Variants in SMARCA2 observed in about 807,000 individuals in gnomAD.
SMARCA2 encodes the protein SWI/SNF-related matrix-associated actin-dependent regulator of chromatin subfamily A member 2.
SMARCA2 carries 61 observed loss-of-function variants against 199.8 expected under a neutral mutation model. That is an observed-to-expected ratio of 0.31 (90% CI 0.25 to 0.38). The LOEUF (loss-of-function observed/expected upper bound fraction) is 0.38. Among genes scored for constraint, SMARCA2 ranks in the 10% least tolerant of loss-of-function variants. The pLI, the probability that SMARCA2 is intolerant of heterozygous loss-of-function variation, is 1.00. For synonymous variants in SMARCA2, 935 were observed against 732.0 expected, an observed-to-expected ratio of 1.28 and a Z score of -4.48; for missense variants, 1,344 against 2,012.2, an observed-to-expected ratio of 0.67 and a Z score of 6.35.
chr9:2,042,284 A>C (rs1819640109), intron 4 of SMARCA2: 1 of 152,194 alleles, frequency 6.6e-6, no homozygotes, highest in African/African-American at 2.4e-5. Context: ...AGGCTGATGG[A>C]GAGGAGGGAT....
At chr9:2,144,510 T>C (rs552082609) in intron 27 of SMARCA2, among the ~76,000 whole-genome samples, 1 of 152,234 alleles carries the variant, frequency 6.6e-6, no homozygotes, top group Non-Finnish European at 1.5e-5. Context: ...TTTGAAGCCA[T>C]AGAGGCAAGT....
At chr9:2,100,895 T>C (rs192120775) in intron 21 of SMARCA2, among the ~76,000 whole-genome samples, 1 of 152,166 alleles carries the variant, frequency 6.6e-6, no homozygotes, top group African/African-American at 2.4e-5. Flanking sequence ...TTCCACATGG[T>C]TGGGGAGGCC....
chr9:2,111,485 G>A (rs1269333436), intron 24 of SMARCA2, among the ~76,000 whole-genome samples: 32 of 129,890 alleles, frequency 2.5e-4, no homozygotes, highest in African/African-American at 9.7e-4. Context: ...AAGCAAGACC[G>A]TGTCTCAAAA....
intron 27 of SMARCA2, among the ~76,000 whole-genome samples, chr9:2,143,317 G>T (rs969779909): frequency 6.6e-6 from 1 of 152,140 alleles, no homozygotes; most frequent in African/African-American, 2.4e-5. Context: ...GAAAAATGAG[G>T]CTAGGGCCAG....
chr9:2,019,766 A>G (rs1303608478), intron 1 of SMARCA2, among the ~76,000 whole-genome samples: 1 of 151,982 alleles, frequency 6.6e-6, no homozygotes, highest in Non-Finnish European at 1.5e-5. Context: ...GAGCATAAAA[A>G]GAAGAGTTTT....
chr9:2,037,498 G>A (rs142351962), intron 3 of SMARCA2, among the ~76,000 whole-genome samples: 2,509 of 152,282 alleles, frequency 0.016, 25 homozygotes, highest in Non-Finnish European at 0.026. Flanking sequence ...AGGGGATCAC[G>A]CTAAATCTGC....
intron 27 of SMARCA2, among the ~76,000 whole-genome samples, chr9:2,156,605 A>T (rs1305162641): frequency 6.6e-6 from 1 of 151,612 alleles, no homozygotes; most frequent in South Asian, 2.1e-4. Context: ...CTAATTTTGT[A>T]TTTTTAGTAG....
intron 11 of SMARCA2, 52 bp downstream of exon 11, chr9:2,073,394 G>C (rs1341814974): frequency 6.2e-7 from 1 of 1,607,852 alleles, no homozygotes; most frequent in Admixed American, 1.7e-5. Context: ...TTAGATTTTG[G>C]TAATCTTGTA....
In SMARCA2 at chr9:2,154,838, C is replaced by T. The variant is rs191996958; in HGVS notation, c.3982-6848C>T. 6.4e-4 allele frequency among the ~76,000 whole-genome samples: 98 copies of T among 152,328 alleles called. No individual in the cohort carries two copies. In the Middle Eastern group the frequency reaches 0.01, roughly 16 times the overall value. Reference sequence around the variant, plus strand: ...CTTTTGGCATTTCATTTTTAATATACTGAGAACCTCGAAGTACAGAAGTGG... The same window carrying T: ...CTTTTGGCATTTCATTTTTAATATATTGAGAACCTCGAAGTACAGAAGTGG... On this transcript the variant is annotated intron_variant, in intron 27 of 33. Coordinates refer to ENST00000349721, the MANE Select transcript of SMARCA2 (RefSeq NM_003070.5).
At chr9:2,183,329 A>G (rs989257670) in intron 31 of SMARCA2, among the ~76,000 whole-genome samples, 4 of 152,194 alleles carry the variant, frequency 2.6e-5, no homozygotes, top group African/African-American at 9.6e-5. Flanking sequence ...TATCAGCCCA[A>G]TTGCAATTCT....
intron 3 of SMARCA2, among the ~76,000 whole-genome samples, chr9:2,035,562 AATG>A (rs1819293359): frequency 6.6e-6 from 1 of 152,178 alleles, no homozygotes; most frequent in African/African-American, 2.4e-5. Context: ...TCAACTTAAG[AATG>A]ATGTCTTATT....
intron 23 of SMARCA2, among the ~76,000 whole-genome samples, chr9:2,106,231 T>G (rs190107969): frequency 2.0e-5 from 3 of 152,344 alleles, no homozygotes; most frequent in East Asian, 3.9e-4. Context: ...TGATTCCAAA[T>G]TAGCTGAGTT....
At chr9:2,148,478 CTTTTT>C (rs906248211) in intron 27 of SMARCA2, among the ~76,000 whole-genome samples, 2 of 150,792 alleles carry the variant, frequency 1.3e-5, no homozygotes, top group Non-Finnish European at 3.0e-5. Context: ...GAGATGTTTT[CTTTTT>C]TTTATTATTA....
chr9:2,040,876 A>T (rs111255414), intron 4 of SMARCA2: 1 of 152,548 alleles, frequency 6.6e-6, no homozygotes, highest in East Asian at 1.9e-4. Flanking sequence ...GTGATCTTCC[A>T]TGAAGGTTGT....
rs1827019669 is a variant in SMARCA2 at position 2,181,489 on chromosome 9, G to T, written c.4254-82G>T. On this transcript the variant is annotated intron_variant, in intron 29 of 33. Transcript: ENST00000349721. ...TGCGTGGAATATAATTTACTTTGTT[G>T]ACATGTTCTGAAATAAAAATAAAAC... 4 of 762,030 alleles carry T rather than the reference G, an allele frequency of 5.2e-6. No individual in the cohort carries two copies. The South Asian group carries it at 5.9e-5, about 11-fold the overall frequency. The allele number at this position is 762,030 out of a possible 1,614,324, so 47.2% of individuals were successfully genotyped here.
At chr9:2,191,542 A>C in intron 33 of SMARCA2, 134 bp downstream of exon 33, 2 of 960,754 alleles carry the variant, frequency 2.1e-6, no homozygotes, top group Non-Finnish European at 3.2e-6. Context: ...GTGAGATTTC[A>C]TTATTGAGGG....
At chr9:2,128,323 T>G (rs1823787464) in intron 27 of SMARCA2, among the ~76,000 whole-genome samples, 1 of 152,254 alleles carries the variant, frequency 6.6e-6, no homozygotes, top group Non-Finnish European at 1.5e-5. Context: ...CTTGATGACA[T>G]GTGCTGTTGA....
In SMARCA2 at chr9:2,161,450, T is replaced by C. The variant is rs1355078918; in HGVS notation, c.3982-236T>C. On this transcript the variant is annotated intron_variant, in intron 27 of 33. Coordinates refer to ENST00000349721, the MANE Select transcript of SMARCA2 (RefSeq NM_003070.5). This position sits in a 1 kb window ranked among gnomAD's most constrained non-coding sequence, Gnocchi z 4.7. ...ATATTCTCCTTTACTGTGAGTGTTT[T>C]GGGCCTTCAGTGTGTTTTGCTCATG... Among the ~76,000 whole-genome samples the C allele has an allele frequency of 6.6e-6, 1 of 152,210 alleles. No individual in the cohort carries two copies. Among genetic ancestry groups the C allele is most frequent in the East Asian group, 1.9e-4 (1 of 5,200 alleles).
intron 29 of SMARCA2, among the ~76,000 whole-genome samples, chr9:2,175,709 C>T (rs915547456): frequency 1.3e-5 from 2 of 152,178 alleles, no homozygotes; most frequent in African/African-American, 2.4e-5. Context: ...TTCTAAATTA[C>T]ATTCAATCAT....
Sources: gnomAD v4.1 joint callset for allele counts (sites outside exome capture counted in the v4.1 genomes callset) on GRCh38, gnomAD v4.1.1 for gene constraint, Gnocchi (gnomAD v3.1) non-coding constraint, MANE v1.5 for transcripts, NCBI Gene and HGNC (gene_info 2026-07-23, HGNC 2026-07-21) for gene names.